The following CDHR2 variants were observed in gnomAD, a reference collection of about 807,000 sequenced individuals.
CDHR2 encodes the protein cadherin related family member 2.
Under a neutral mutation model 138.6 loss-of-function variants are expected in CDHR2, and 104 were observed. The ratio of observed to expected loss-of-function variants is 0.75; its 90% confidence interval spans 0.64 to 0.88. CDHR2 has a LOEUF of 0.88. Among genes scored for constraint, CDHR2 ranks in the 40% least tolerant of loss-of-function variants. The probability of loss-of-function intolerance (pLI) is 0.00; values close to 1 mark genes in which losing one functional copy is unlikely to be tolerated. For missense variants in CDHR2, 1,624 were observed against 1,727.6 expected (o/e 0.94, Z 1.06); for synonymous variants, 755 against 742.8 (o/e 1.02, Z -0.27).
In CDHR2 at chr5:176,577,541, C is replaced by T. The variant is rs1180890896; in HGVS notation, c.1337C>T (p.Ala446Val). 31 of 1,613,474 alleles carry T rather than the reference C, an allele frequency of 1.9e-5. No individual in the cohort carries two copies. Among genetic ancestry groups the T allele is most frequent in the Non-Finnish European group, 2.4e-5 (28 of 1,179,828 alleles). Residue 446 changes from alanine to valine, a missense_variant, in exon 13 of 32, where the codon GCG (alanine) becomes GTG (valine). By Grantham distance (64) the Ala-to-Val change is moderately conservative (BLOSUM62 0). This residue lies in a region of CDHR2 where 1,061 missense variants were observed against 1,136.6 expected (regional missense o/e 0.93). Coordinates refer to ENST00000261944, the MANE Select transcript of CDHR2 (RefSeq NM_017675.6). ...CTGGTGGACTACGAGAGGCAGACGG[C>T]GATGGCGGTGCAGGTGAGGGCTGCT... Reference protein sequence around the residue: ...SALVDYERQTAMAVQVVATDS... With the variant: ...SALVDYERQTVMAVQVVATDS...
At chr5:176,574,056 T>C (rs1243739819) in intron 6 of CDHR2, 27 bp from the exon 7 acceptor site, 4 of 1,579,708 alleles carry the variant, frequency 2.5e-6, no homozygotes, top group Non-Finnish European at 3.5e-6. Flanking sequence ...GGATTTGAGC[T>C]CATAGGTGAC....
intron 31 of CDHR2, 118 bp downstream of exon 31, chr5:176,592,898 G>T: frequency 1.1e-6 from 1 of 881,444 alleles, no homozygotes; most frequent in Non-Finnish European, 1.9e-6. Flanking sequence ...CTCTGCACCA[G>T]GCCCCAGGAA....
intron 16 of CDHR2, among the ~76,000 whole-genome samples, chr5:176,580,701 C>G (rs962188984): frequency 6.6e-6 from 1 of 151,232 alleles, no homozygotes; most frequent in East Asian, 1.9e-4. Context: ...ATGGTGAAAC[C>G]CCATCTCTAC....
intron 17 of CDHR2, among the ~76,000 whole-genome samples, chr5:176,583,843 T>A (rs1197907907): frequency 6.6e-6 from 1 of 151,340 alleles, no homozygotes; most frequent in African/African-American, 2.4e-5. Flanking sequence ...GAGATGGGAG[T>A]CAAGCTGGGC....
In CDHR2 at chr5:176,574,192, T is replaced by C. The variant is rs913367039; in HGVS notation, c.495+20T>C. On this transcript the variant is annotated intron_variant, in intron 7 of 31. Coordinates refer to ENST00000261944, the MANE Select transcript of CDHR2 (RefSeq NM_017675.6). ...GAGAAGGTGAGTGTGAAGGGGGCCC[T>C]GACCGCCTTTGTGACCGCCAGGGGG... The C allele has an allele frequency of 2.0e-6, 3 of 1,471,332 alleles. No individual in the cohort carries two copies. Among genetic ancestry groups the C allele is most frequent in the Non-Finnish European group, 2.9e-6 (3 of 1,050,486 alleles). 91.1% of individuals were successfully genotyped at this position (1,471,332 alleles called of 1,614,324 possible). A position where few individuals can be genotyped will look rare whatever the true frequency, so the allele number is the denominator to read the frequency against.
chr5:176,571,957 T>A (rs969402949), intron 6 of CDHR2, among the ~76,000 whole-genome samples: 9 of 152,018 alleles, frequency 5.9e-5, no homozygotes, highest in Admixed American at 6.6e-5. Context: ...TGAAATCATA[T>A]CTTCAGGCAT....
At chr5:176,594,940 G>A (rs1020914887) in intron 31 of CDHR2, among the ~76,000 whole-genome samples, 2 of 152,170 alleles carry the variant, frequency 1.3e-5, no homozygotes, top group African/African-American at 4.8e-5. Context: ...ACTGCAGGTG[G>A]GACCAGCCTG....
intron 20 of CDHR2, 141 bp from the exon 21 acceptor site, chr5:176,586,652 T>C: frequency 1.5e-6 from 1 of 676,480 alleles, no homozygotes; most frequent in African/African-American, 1.8e-5. Flanking sequence ...GGCCCAGTGG[T>C]GGCTGTAATA....
chr5:176,595,485 G>T (rs1221502118), intron 31 of CDHR2, 47 bp from the exon 32 acceptor site: 1 of 1,519,006 alleles, frequency 6.6e-7, no homozygotes, highest in African/African-American at 1.4e-5. Flanking sequence ...TGGGGCACTC[G>T]CCCCACCTTG....
At chr5:176,567,163 T>C (rs1333867513) in intron 3 of CDHR2, 1 of 321,308 alleles carries the variant, frequency 3.1e-6, no homozygotes, top group East Asian at 8.4e-5. Context: ...GAGGGAGGAG[T>C]GCACAGGACT....
rs1445221201 is a variant in CDHR2 at position 176,591,388 on chromosome 5, C to T, written c.3654-16C>T. ...GTGGCTGAGGGCCAGGCAACTTGACCAGGCTTTCTCTCCAGAGCCAACCCC... is the reference window on the plus strand; with the variant it reads ...GTGGCTGAGGGCCAGGCAACTTGACTAGGCTTTCTCTCCAGAGCCAACCCC... On this transcript the variant is annotated splice_polypyrimidine_tract_variant and intron_variant, in intron 29 of 31. Transcript: ENST00000261944. 9.3e-6 allele frequency: 15 copies of T among 1,613,614 alleles called. No homozygotes were observed. The highest frequency in any genetic ancestry group is 2.2e-5 in the East Asian group (1 of 44,904).
chr5:176,586,854 G>C lies in CDHR2; in HGVS notation c.2856+12G>C, dbSNP rs1361867366. On this transcript the variant is annotated intron_variant, in intron 21 of 31. Coordinates refer to ENST00000261944, the MANE Select transcript of CDHR2 (RefSeq NM_017675.6). ...TGGCTTCTGTCCGGGTAAGTTCTTG[G>C]CTCCAGCCTTTGTTGGTCATATGAG... The C allele has an allele frequency of 1.2e-6, 2 of 1,606,066 alleles. No individual in the cohort carries two copies. Among genetic ancestry groups the C allele is most frequent in the African/African-American group, 1.3e-5 (1 of 74,954 alleles).
chr5:176,578,920 G>C (rs1195976865), intron 16 of CDHR2, among the ~76,000 whole-genome samples: 1 of 152,124 alleles, frequency 6.6e-6, no homozygotes, highest in African/African-American at 2.4e-5. Flanking sequence ...TAGATAAATA[G>C]TAAGATAAAA....
At chr5:176,566,533 C>T (rs1026342581) in intron 3 of CDHR2, among the ~76,000 whole-genome samples, 7 of 152,220 alleles carry the variant, frequency 4.6e-5, no homozygotes, top group African/African-American at 1.7e-4. Flanking sequence ...CCCCTCGTGG[C>T]CGCCCAGGAG....
chr5:176,589,735 C>T (rs546746987), intron 24 of CDHR2, 119 bp downstream of exon 24: 7 of 875,734 alleles, frequency 8.0e-6, no homozygotes, highest in Non-Finnish European at 9.2e-6. Flanking sequence ...TTGACCTTGT[C>T]CCTGTCTTCA....
intron 17 of CDHR2, among the ~76,000 whole-genome samples, chr5:176,582,269 C>T (rs1758550076): frequency 6.6e-6 from 1 of 152,202 alleles, no homozygotes; most frequent in Non-Finnish European, 1.5e-5. Flanking sequence ...ATCCACCCGC[C>T]TTGGCCTCCT....
Position 176,589,411 on chromosome 5 carries a change from T to C in CDHR2, c.3090T>C (p.Pro1030=), listed in dbSNP as rs1758778336. The change falls in exon 23 of 32, where the codon CCT becomes CCC. Residue 1030 remains proline, a synonymous_variant. Transcript: ENST00000261944. ...CCAGGGACAGACCTTCCTTGGGTCC[T>C]TTCCTGGAAGCCACCACCACCCTGA... The part of the protein sequence containing the change: ...VQARDRPSLG[P]FLEATTTLNL... 1.3e-6 allele frequency: 2 copies of C among 1,585,122 alleles called. No homozygotes were observed. Among genetic ancestry groups the C allele is most frequent in the East Asian group, 2.2e-5 (1 of 44,584 alleles).
chr5:176,581,505 A>G lies in CDHR2; in HGVS notation c.1981A>G (p.Ile661Val). ...CATCGACCCCGCCCTGGAGGGCCGC[A>G]TTGTGCTGACAGTGCTTGTGTCTGA... ...EAIDPALEGR[I>V]VLTVLVSDCG... Residue 661 changes from isoleucine to valine, a missense_variant, in exon 17 of 32, where the codon ATT (isoleucine) becomes GTT (valine). Ile to Val is a conservative substitution (Grantham distance 29, BLOSUM62 3). Around this residue, in one of 3 missense-constraint regions of CDHR2, gnomAD observed 1,061 missense variants for 1,136.6 expected, o/e 0.93. Transcript: ENST00000261944. The G allele has an allele frequency of 6.2e-7, 1 of 1,614,138 alleles. No homozygotes were observed. The highest frequency in any genetic ancestry group is 1.1e-5 in the South Asian group (1 of 91,084).
At chr5:176,586,578 G>A (rs41275285) in intron 20 of CDHR2, 44 of 549,074 alleles carry the variant, frequency 8.0e-5, no homozygotes, top group Non-Finnish European at 1.3e-4. Flanking sequence ...CTCCATTTCC[G>A]CATGGTCCTG....
Sources: allele counts gnomAD v4.1 joint callset (sites outside exome capture counted in the v4.1 genomes callset), GRCh38; gene constraint gnomAD v4.1.1; regional missense constraint gnomAD v4.1.1; transcripts MANE v1.5; gene names NCBI Gene and HGNC (gene_info 2026-07-23, HGNC 2026-07-21).